NRG2: variants seen among roughly 807,000 people sequenced by gnomAD.
NRG2 encodes the protein neuregulin 2, also known as pro-neuregulin-2, membrane-bound isoform.
In NRG2, 27 loss-of-function variants were observed where a neutral mutation model predicts 73.9. The ratio of observed to expected loss-of-function variants is 0.37; its 90% CI spans 0.27 to 0.50. The LOEUF (loss-of-function observed/expected upper bound fraction) is 0.50. Ranked by LOEUF, NRG2 falls within the 20% of genes least tolerant of loss-of-function variation. NRG2 has a pLI of 0.96. For missense variants in NRG2, 1,126 were observed against 1,210.1 expected, an observed-to-expected ratio of 0.93 and a Z score of 1.03; for synonymous variants, 532 against 541.0, an observed-to-expected ratio of 0.98 and a Z score of 0.23.
intron 2 of NRG2, among the ~76,000 whole-genome samples, chr5:139,882,809 C>T (rs559276397): frequency 6.6e-6 from 1 of 152,052 alleles, no homozygotes; most frequent in Non-Finnish European, 1.5e-5. Context: ...TGTAGCAGGA[C>T]GTGGCAGAAT....
Position 139,894,597 on chromosome 5 carries a change from C to G in NRG2, c.701-7086G>C, listed in dbSNP as rs1764440564. ...CAGACTCCCAAAGGGAGTGTATGCC[C>G]AGCTGGGCTGCTTAGCTTTCCCTGA... is the stretch of plus-strand genomic sequence containing the variant. On this transcript the variant is annotated intron_variant, in intron 1 of 9. Coordinates refer to ENST00000361474, the MANE Select transcript of NRG2 (RefSeq NM_004883.3). This position sits in a 1 kb window ranked among gnomAD's most constrained non-coding sequence, Gnocchi z 5.0. Among the ~76,000 whole-genome samples, 1 of 152,160 alleles carries G rather than the reference C, an allele frequency of 6.6e-6. No homozygotes were observed. The highest frequency in any genetic ancestry group is 1.5e-5 in the Non-Finnish European group (1 of 68,006).
chr5:139,970,107 C>A (rs1215143378), intron 1 of NRG2, among the ~76,000 whole-genome samples: 1 of 152,208 alleles, frequency 6.6e-6, no homozygotes, highest in East Asian at 1.9e-4. Context: ...TCTCCACATT[C>A]TCCAATTCAT....
intron 1 of NRG2, among the ~76,000 whole-genome samples, chr5:139,930,516 T>G (rs1028352788): frequency 2.0e-5 from 3 of 152,248 alleles, no homozygotes; most frequent in African/African-American, 7.2e-5. Flanking sequence ...GTTCAAACTT[T>G]CGGGAAGGTT....
At chr5:139,914,760 A>G (rs536057688) in intron 1 of NRG2, among the ~76,000 whole-genome samples, 7 of 152,308 alleles carry the variant, frequency 4.6e-5, no homozygotes, top group South Asian at 4.1e-4. Flanking sequence ...CTGTTTGCCC[A>G]GGTGCCCGCC....
intron 1 of NRG2, among the ~76,000 whole-genome samples, chr5:139,897,256 C>T (rs967663645): frequency 2.0e-5 from 3 of 152,226 alleles, no homozygotes; most frequent in African/African-American, 7.2e-5. Flanking sequence ...AGCCTTCATT[C>T]CTTGTCTGTG....
intron 1 of NRG2, among the ~76,000 whole-genome samples, chr5:139,893,382 C>T (rs1010402907): frequency 2.6e-5 from 4 of 152,134 alleles, no homozygotes; most frequent in Non-Finnish European, 5.9e-5. Context: ...TTTTCTCATG[C>T]AGAAAGGGGA....
intron 1 of NRG2, among the ~76,000 whole-genome samples, chr5:140,031,999 C>T (rs952460177): frequency 5.9e-5 from 9 of 152,138 alleles, no homozygotes; most frequent in African/African-American, 2.2e-4. Context: ...TGAGCTCCCA[C>T]CACCCCCTTT....
chr5:139,979,040 A>T (rs1409219764), intron 1 of NRG2, among the ~76,000 whole-genome samples: 1 of 140,202 alleles, frequency 7.1e-6, no homozygotes, highest in Non-Finnish European at 1.5e-5. Flanking sequence ...GAACAATGAG[A>T]ATACAAGGAC....
chr5:139,920,272 C>G (rs1751561362), intron 1 of NRG2, among the ~76,000 whole-genome samples: 1 of 152,184 alleles, frequency 6.6e-6, no homozygotes, highest in African/African-American at 2.4e-5. Flanking sequence ...ATTAATCTTC[C>G]TGTGAGAATT....
intron 1 of NRG2, among the ~76,000 whole-genome samples, chr5:139,916,754 T>C (rs1021821350): frequency 9.2e-5 from 14 of 152,346 alleles, no homozygotes; most frequent in Non-Finnish European, 1.6e-4. Flanking sequence ...CCGAATAGTA[T>C]TCCATTATAT....
chr5:139,878,596 G>A (rs768610853), intron 3 of NRG2, among the ~76,000 whole-genome samples: 3 of 152,150 alleles, frequency 2.0e-5, no homozygotes, highest in Non-Finnish European at 2.9e-5. Context: ...GTCATGCCTG[G>A]GGCCAGTTCC....
At chr5:139,953,651 G>A (rs1265258294) in intron 1 of NRG2, among the ~76,000 whole-genome samples, 1 of 152,188 alleles carries the variant, frequency 6.6e-6, no homozygotes, top group Non-Finnish European at 1.5e-5. Flanking sequence ...AGGCTTCCTG[G>A]AGGCTATGGG....
chr5:140,023,831 C>T (rs979353387), intron 1 of NRG2, among the ~76,000 whole-genome samples: 3 of 152,138 alleles, frequency 2.0e-5, no homozygotes, highest in African/African-American at 7.2e-5. Flanking sequence ...TTGACAAACG[C>T]CAACAATCTC....
At chr5:140,004,727 T>C (rs1758756937) in intron 1 of NRG2, among the ~76,000 whole-genome samples, 1 of 152,190 alleles carries the variant, frequency 6.6e-6, no homozygotes, top group Admixed American at 6.5e-5. Flanking sequence ...ATAATGACTA[T>C]ATGCAACGTG....
intron 1 of NRG2, among the ~76,000 whole-genome samples, chr5:139,994,236 T>C (rs1428757846): frequency 6.6e-6 from 1 of 152,224 alleles, no homozygotes; most frequent in Non-Finnish European, 1.5e-5. Context: ...AAAAAAGAAA[T>C]TGTTGTGGCT....
chr5:139,859,822 C>T lies in NRG2; in HGVS notation c.1190-4044G>A. ...GAAAGGAAACCAAACATTCAGCACA[C>T]ATGGCATCGGAGGCTGTGGAGAGGG... On this transcript the variant is annotated intron_variant, in intron 5 of 9. Transcript: ENST00000361474. The T allele has an allele frequency of 2.6e-6, 4 of 1,524,314 alleles. 1 individual carries two copies. The highest frequency in any genetic ancestry group is 3.4e-4 in the Middle Eastern group (2 of 5,908). 94.4% of individuals were successfully genotyped at this position (1,524,314 alleles called of 1,614,324 possible).
At chr5:139,861,306 C>T (rs1762130945) in intron 5 of NRG2, among the ~76,000 whole-genome samples, 1 of 152,210 alleles carries the variant, frequency 6.6e-6, no homozygotes, top group African/African-American at 2.4e-5. Context: ...CTGATATTCT[C>T]ATCTGCCTTG....
rs1315502107 is a variant in NRG2 at position 139,848,299 on chromosome 5, G to C, written c.2171C>G (p.Pro724Arg). Reference sequence around the variant, plus strand: ...CGCACCGCGCGCGCGCGGCCGCGGCGGCGGCGGGGGCGCGCACTCCTGCGT... The same window carrying C: ...CGCACCGCGCGCGCGCGGCCGCGGCCGCGGCGGGGGCGCGCACTCCTGCGT... ...ETTQECAPPP[P>R]PRPRARGASR... Residue 724 changes from proline (P) to arginine (R), a missense_variant, in exon 10 of 10, where the codon CCG (proline) becomes CGG (arginine). By Grantham distance (103) the Pro-to-Arg change is moderately radical. Coordinates refer to ENST00000361474, the MANE Select transcript of NRG2 (RefSeq NM_004883.3). 1 of 1,158,502 alleles carries C rather than the reference G, an allele frequency of 8.6e-7. No homozygotes were observed. The highest frequency in any genetic ancestry group is 3.9e-5 in the East Asian group (1 of 25,456). 71.8% of individuals were successfully genotyped at this position (1,158,502 alleles called of 1,614,324 possible).
At chr5:139,929,396 C>T (rs1449495140) in intron 1 of NRG2, among the ~76,000 whole-genome samples, 1 of 152,196 alleles carries the variant, frequency 6.6e-6, no homozygotes, top group Non-Finnish European at 1.5e-5. Flanking sequence ...CCTCAGTGCC[C>T]TGACAAGACC....
Sources: allele counts gnomAD v4.1 joint callset (sites outside exome capture counted in the v4.1 genomes callset), GRCh38; gene constraint gnomAD v4.1.1; non-coding constraint Gnocchi (gnomAD v3.1); transcripts MANE v1.5; gene names NCBI Gene and HGNC (gene_info 2026-07-23, HGNC 2026-07-21).